The following DENND1B variants were observed in gnomAD, a reference collection of about 807,000 sequenced individuals.
DENND1B encodes the protein DENN domain-containing protein 1B.
Under a neutral mutation model 90.1 loss-of-function variants are expected in DENND1B, and 59 were observed. That is an observed-to-expected ratio of 0.65 (90% CI 0.53 to 0.81). DENND1B has a LOEUF of 0.81. DENND1B is among the 40% of genes least tolerant of loss of function. DENND1B has a pLI of 0.00. For synonymous variants in DENND1B, 337 were observed against 324.6 expected, an observed-to-expected ratio of 1.04 and a Z score of -0.41; for missense variants, 862 against 912.6, an observed-to-expected ratio of 0.94 and a Z score of 0.71.
At chr1:197,556,577 C>T (rs544615994) in intron 15 of DENND1B, among the ~76,000 whole-genome samples, 6 of 152,010 alleles carry the variant, frequency 3.9e-5, no homozygotes, top group African/African-American at 1.2e-4. Context: ...CTTCATTATG[C>T]TTGGCATACA....
At chr1:197,646,774 T>G (rs1400441638) in intron 8 of DENND1B, among the ~76,000 whole-genome samples, 1 of 152,050 alleles carries the variant, frequency 6.6e-6, no homozygotes, top group Non-Finnish European at 1.5e-5. Context: ...GTGAATATAC[T>G]TTAAAATTAC....
chr1:197,539,115 C>T (rs191955027), intron 20 of DENND1B, among the ~76,000 whole-genome samples: 1 of 152,312 alleles, frequency 6.6e-6, no homozygotes, highest in African/African-American at 2.4e-5. Flanking sequence ...GCCATGTATA[C>T]TTCTGTGGTG....
intron 15 of DENND1B, among the ~76,000 whole-genome samples, chr1:197,556,359 G>C (rs1378463578): frequency 6.6e-6 from 1 of 151,890 alleles, no homozygotes; most frequent in Non-Finnish European, 1.5e-5. Flanking sequence ...CTAAAATAAT[G>C]AATGAATGGA....
chr1:197,552,639 C>T (rs1431057616), intron 16 of DENND1B: 2 of 1,002,804 alleles, frequency 2.0e-6, no homozygotes, highest in African/African-American at 1.7e-5. Context: ...ATTGTATTAC[C>T]AATCATAACC....
At chr1:197,667,687 C>G (rs1297996253) in intron 5 of DENND1B, among the ~76,000 whole-genome samples, 1 of 152,198 alleles carries the variant, frequency 6.6e-6, no homozygotes, top group African/African-American at 2.4e-5. Context: ...GCGTGGGCCC[C>G]TGCACCAAGC....
intron 13 of DENND1B, among the ~76,000 whole-genome samples, chr1:197,605,101 ACAC>A (rs1676552676): frequency 6.6e-6 from 1 of 151,032 alleles, no homozygotes; most frequent in African/African-American, 2.4e-5. Flanking sequence ...TAATCAATCT[ACAC>A]CACCTTTCAG....
rs377070091 is a variant in DENND1B, at chr1:197,772,388, T to TA, written c.82+479dup. ...TTTTTACAATCCCAGGGCAAAGACT[T>TA]AACACCTATTTTATTACCAGCAACT... is the stretch of plus-strand genomic sequence containing the variant. On this transcript the variant is annotated intron_variant, in intron 2 of 22. Transcript: ENST00000620048. 1.8e-3 allele frequency among the ~76,000 whole-genome samples: 273 copies of TA among 152,264 alleles called. 1 individual carries two copies. Among genetic ancestry groups the TA allele is most frequent in the African/African-American group, 6.4e-3 (265 of 41,550 alleles).
chr1:197,673,200 C>A lies in DENND1B; in HGVS notation c.176+920G>T, dbSNP rs980025303. ...TAGTGACAAATGTGACCTCTAGTGC[C>A]CAAGATTCATAATATCCTTTTTGTA... On this transcript the variant is annotated intron_variant, in intron 4 of 22. Coordinates refer to ENST00000620048, the MANE Select transcript of DENND1B (RefSeq NM_001195215.2). Among the ~76,000 whole-genome samples the A allele has an allele frequency of 3.3e-5, 5 of 151,712 alleles. 1 individual carries two copies. The South Asian group carries it at 1.0e-3, about 32-fold the overall frequency.
chr1:197,585,660 GGTTT>G (rs1270311513), intron 14 of DENND1B, among the ~76,000 whole-genome samples: 1 of 152,092 alleles, frequency 6.6e-6, no homozygotes, highest in African/African-American at 2.4e-5. Flanking sequence ...TGATTAACAC[GGTTT>G]ATTTACTAAG....
intron 2 of DENND1B, among the ~76,000 whole-genome samples, chr1:197,741,387 T>C (rs1028779153): frequency 1.3e-5 from 2 of 152,182 alleles, no homozygotes; most frequent in Non-Finnish European, 2.9e-5. Flanking sequence ...TGCATATTTA[T>C]AGAGCAAATA....
intron 10 of DENND1B, among the ~76,000 whole-genome samples, chr1:197,620,289 G>T (rs1678038791): frequency 6.6e-6 from 1 of 151,248 alleles, no homozygotes; most frequent in African/African-American, 2.4e-5. Context: ...ACTAGAAAAT[G>T]TAACACATTC....
chr1:197,679,291 C>CA lies in DENND1B; in HGVS notation c.127-5123dup, dbSNP rs765731401. On this transcript the variant is annotated intron_variant, in intron 3 of 22. Transcript: ENST00000620048. ...TGGAAGCAGTGCAGAGTGACATTAC[C>CA]AAAAAAAAAAAAATCAGAAGACTAT... 1.4e-3 allele frequency among the ~76,000 whole-genome samples: 176 copies of CA among 129,402 alleles called. 1 individual carries two copies. The highest frequency in any genetic ancestry group is 6.2e-3 in the South Asian group (25 of 4,038). 84.9% of individuals were successfully genotyped at this position (129,402 alleles called of 152,430 possible). A position where few individuals can be genotyped will look rare whatever the true frequency, so the allele number is the denominator to read the frequency against.
chr1:197,558,926 A>G (rs1367369217), intron 15 of DENND1B, among the ~76,000 whole-genome samples: 2 of 151,986 alleles, frequency 1.3e-5, no homozygotes, highest in African/African-American at 4.8e-5. Flanking sequence ...TATAAAATGA[A>G]TGTTTCAAAT....
intron 2 of DENND1B, among the ~76,000 whole-genome samples, chr1:197,715,984 T>C (rs1660609094): frequency 1.3e-5 from 2 of 151,656 alleles, no homozygotes; most frequent in African/African-American, 4.8e-5. Context: ...CTAATGTGTG[T>C]AACAAGTACC....
chr1:197,624,507 C>A (rs552094816), intron 10 of DENND1B, among the ~76,000 whole-genome samples: 2 of 151,766 alleles, frequency 1.3e-5, no homozygotes, highest in African/African-American at 4.8e-5. Context: ...TGAACTAGGG[C>A]TTGGCAATGA....
chr1:197,746,494 A>C (rs1361811513), intron 2 of DENND1B, among the ~76,000 whole-genome samples: 2 of 152,152 alleles, frequency 1.3e-5, no homozygotes, highest in Non-Finnish European at 2.9e-5. Context: ...CAAATAAATA[A>C]ACAAAATTCT....
At chr1:197,771,181 G>T (rs1656558781) in intron 2 of DENND1B, among the ~76,000 whole-genome samples, 1 of 151,838 alleles carries the variant, frequency 6.6e-6, no homozygotes. Flanking sequence ...AAAAGTGCTG[G>T]GATTATAGGC....
chr1:197,510,352 CAA>C lies in DENND1B; in HGVS notation c.*106_*107del. ...ACAAGTGAGAAAAATGTTGCAAATGCAAAAAAAAATTTAAATAGTATGAGTTG... is the reference window on the plus strand; with the variant it reads ...ACAAGTGAGAAAAATGTTGCAAATGCAAAAAAATTTAAATAGTATGAGTTG... On this transcript the variant is annotated 3_prime_UTR_variant, in exon 23 of 23. Transcript: ENST00000620048. 7.8e-7 allele frequency: 1 copy of C among 1,287,146 alleles called. No individual in the cohort carries two copies. The highest frequency in any genetic ancestry group is 1.7e-5 in the South Asian group (1 of 57,726). 79.7% of individuals were successfully genotyped at this position (1,287,146 alleles called of 1,614,324 possible).
chr1:197,659,145 A>T (rs963559953), intron 5 of DENND1B, among the ~76,000 whole-genome samples: 2 of 151,442 alleles, frequency 1.3e-5, no homozygotes, highest in African/African-American at 4.8e-5. Flanking sequence ...CAAATACTCA[A>T]GACTTTTCTT....
Sources: gnomAD v4.1 joint callset for allele counts (sites outside exome capture counted in the v4.1 genomes callset) on GRCh38, gnomAD v4.1.1 for gene constraint, MANE v1.5 for transcripts, NCBI Gene and HGNC (gene_info 2026-07-23, HGNC 2026-07-21) for gene names.